OTUD7A: variants seen among roughly 807,000 people sequenced by gnomAD.
OTUD7A encodes OTU deubiquitinase 7A.
Under a neutral mutation model 65.7 loss-of-function variants are expected in OTUD7A, and 12 were observed. The observed-to-expected ratio is 0.18, with a 90% CI of 0.12 to 0.30. The LOEUF is 0.30. OTUD7A is among the 10% of genes least tolerant of loss of function. OTUD7A has a pLI of 1.00. For synonymous variants in OTUD7A, 641 were observed against 586.3 expected (o/e 1.09, Z -1.35); for missense variants, 1,148 against 1,304.8 (o/e 0.88, Z 1.85).
At chr15:31,507,635 G>T (rs1002889210) in intron 8 of OTUD7A, among the ~76,000 whole-genome samples, 3 of 64,084 alleles carry the variant, frequency 4.7e-5, no homozygotes, top group African/African-American at 2.0e-4. Flanking sequence ...GCTGCTGGCT[G>T]GGGGGCGGGG....
At chr15:31,644,044 C>A (rs1385139371) in intron 3 of OTUD7A, among the ~76,000 whole-genome samples, 1 of 152,078 alleles carries the variant, frequency 6.6e-6, no homozygotes, top group African/African-American at 2.4e-5. Flanking sequence ...CCACCTCCCC[C>A]TTTGAAGCAC....
At chr15:31,638,937 AT>A (rs1160281735) in intron 3 of OTUD7A, among the ~76,000 whole-genome samples, 1 of 152,156 alleles carries the variant, frequency 6.6e-6, no homozygotes, top group African/African-American at 2.4e-5. Flanking sequence ...GATCGAGACC[AT>A]CCCGGCTAAC....
intron 4 of OTUD7A, among the ~76,000 whole-genome samples, chr15:31,565,570 A>C (rs1377792427): frequency 6.6e-6 from 1 of 152,182 alleles, no homozygotes; most frequent in East Asian, 1.9e-4. Context: ...TTATAATTTT[A>C]AGGTTTAGAT....
intron 1 of OTUD7A, among the ~76,000 whole-genome samples, chr15:31,806,254 T>G (rs1896266778): frequency 6.6e-6 from 1 of 152,216 alleles, no homozygotes; most frequent in Non-Finnish European, 1.5e-5. Flanking sequence ...TGGCTCATCT[T>G]GCAATAATTG....
chr15:31,528,281 T>G (rs1595586107), intron 6 of OTUD7A, among the ~76,000 whole-genome samples: 2 of 151,830 alleles, frequency 1.3e-5, no homozygotes, highest in South Asian at 2.1e-4. Flanking sequence ...CTCAAATGGG[T>G]GGAGGAAGGA....
chr15:31,527,713 C>A (rs1419071443), intron 6 of OTUD7A, among the ~76,000 whole-genome samples: 1 of 152,178 alleles, frequency 6.6e-6, no homozygotes, highest in East Asian at 1.9e-4. Flanking sequence ...GTGAGGGAGG[C>A]CATTAGCATC....
At chr15:31,830,208 A>G (rs1896896596) in intron 1 of OTUD7A, among the ~76,000 whole-genome samples, 1 of 152,186 alleles carries the variant, frequency 6.6e-6, no homozygotes, top group Non-Finnish European at 1.5e-5. Context: ...AAGTCTGTAA[A>G]CACTCTTAGT....
chr15:31,604,307 A>G (rs1006966827), intron 3 of OTUD7A, among the ~76,000 whole-genome samples: 3 of 152,234 alleles, frequency 2.0e-5, no homozygotes, highest in African/African-American at 2.4e-5. Context: ...ACATGGATGA[A>G]GCCGGAAACC....
chr15:31,817,414 A>G (rs1190889144), intron 1 of OTUD7A, among the ~76,000 whole-genome samples: 2 of 151,988 alleles, frequency 1.3e-5, no homozygotes, highest in Non-Finnish European at 2.9e-5. Context: ...AAACACCAGG[A>G]GATTAGGTGC....
At position 31,764,365 on chromosome 15, in the gene OTUD7A, G is replaced by C. The variant is rs185945606; in HGVS notation, c.-100+106142C>G. On this transcript the variant is annotated intron_variant, in intron 1 of 12. Coordinates refer to ENST00000307050, the MANE Select transcript of OTUD7A (RefSeq NM_001382637.1). The stretch of plus-strand genomic sequence containing the variant: ...AAATGGAACACTATCATTTTATAGA[G>C]GAATAGTATGAAATTACATTGAGAA... Among the ~76,000 whole-genome samples, 394 of 151,966 alleles carry C rather than the reference G, an allele frequency of 2.6e-3. 1 individual carries two copies. The highest frequency in any genetic ancestry group is 9.3e-3 in the African/African-American group (384 of 41,454).
chr15:31,644,353 G>C (rs979167055), intron 3 of OTUD7A, among the ~76,000 whole-genome samples: 3 of 151,944 alleles, frequency 2.0e-5, no homozygotes, highest in Non-Finnish European at 4.4e-5. Context: ...TGGTGTGGCC[G>C]TGTCCTTGAC....
Position 31,483,547 on chromosome 15 carries a change from G to GC in OTUD7A, c.2548dup (p.Ala850GlyfsTer35). ...GTAGGTCTGCGACTTGTGCTCGGCC[G>GC]CCCCCGCCGTCCCCGCCGCGCCCGG... On this transcript the variant is annotated frameshift_variant, in exon 13 of 13. Transcript: ENST00000307050. LOFTEE classifies it high-confidence loss of function. 3 of 1,321,496 alleles carry GC rather than the reference G, an allele frequency of 2.3e-6. No homozygotes were observed. The highest frequency in any genetic ancestry group is 3.5e-5 in the South Asian group (2 of 56,382). 81.9% of individuals were successfully genotyped at this position (1,321,496 alleles called of 1,614,324 possible).
At chr15:31,485,589 G>A (rs1317138097) in intron 12 of OTUD7A, among the ~76,000 whole-genome samples, 1 of 152,202 alleles carries the variant, frequency 6.6e-6, no homozygotes, top group African/African-American at 2.4e-5. Flanking sequence ...GAAAAGAGGT[G>A]GGAGAGCAGA....
chr15:31,655,469 A>C (rs1220750228), intron 2 of OTUD7A: 1 of 373,636 alleles, frequency 2.7e-6, no homozygotes. Flanking sequence ...TGTACATGCC[A>C]TGTGAGAGAA....
intron 1 of OTUD7A, among the ~76,000 whole-genome samples, chr15:31,788,466 C>T (rs1369382904): frequency 6.6e-6 from 1 of 152,186 alleles, no homozygotes; most frequent in Non-Finnish European, 1.5e-5. Context: ...TCCAAAATGG[C>T]TATTGATGGG....
chr15:31,569,921 G>T (rs1344644499), intron 4 of OTUD7A, 97 bp downstream of exon 4: 2 of 1,346,390 alleles, frequency 1.5e-6, no homozygotes, highest in Non-Finnish European at 1.0e-6. Flanking sequence ...CATCCGGGAG[G>T]TGATGACCCC....
intron 1 of OTUD7A, among the ~76,000 whole-genome samples, chr15:31,769,728 G>A (rs891822344): frequency 6.6e-6 from 1 of 152,182 alleles, no homozygotes; most frequent in African/African-American, 2.4e-5. Flanking sequence ...CATAGCATAT[G>A]ATTCCATTTT....
intron 1 of OTUD7A, among the ~76,000 whole-genome samples, chr15:31,849,472 C>G (rs1411371579): frequency 6.6e-6 from 1 of 152,160 alleles, no homozygotes; most frequent in African/African-American, 2.4e-5. Context: ...CTAGGCAATA[C>G]CATTCAGGAC....
At chr15:31,769,549 T>G (rs1208599051) in intron 1 of OTUD7A, among the ~76,000 whole-genome samples, 1 of 152,228 alleles carries the variant, frequency 6.6e-6, no homozygotes, top group Non-Finnish European at 1.5e-5. Flanking sequence ...AATCCCAAAC[T>G]AGAACCTCCC....
Sources: gnomAD v4.1 joint callset for allele counts (sites outside exome capture counted in the v4.1 genomes callset) on GRCh38, gnomAD v4.1.1 for gene constraint, MANE v1.5 for transcripts, NCBI Gene and HGNC (gene_info 2026-07-23, HGNC 2026-07-21) for gene names.